The following DPH6 variants were observed in gnomAD, a reference collection of about 807,000 sequenced individuals.
The protein encoded by DPH6 is diphthine--ammonia ligase.
A neutral mutation model predicts 38.2 loss-of-function variants in DPH6; 33 were observed. The ratio of observed to expected loss-of-function variants is 0.86; its 90% confidence interval spans 0.65 to 1.15. The LOEUF (loss-of-function observed/expected upper bound fraction) is 1.15. Among genes scored for constraint, DPH6 ranks in the 50% most tolerant of loss-of-function variants. The probability of loss-of-function intolerance (pLI) is 0.00; values close to 1 mark genes in which losing one functional copy is unlikely to be tolerated. For missense variants in DPH6, 325 were observed against 320.0 expected (o/e 1.02, Z -0.12); for synonymous variants, 108 against 103.0 (o/e 1.05, Z -0.30).
chr15:35,387,612 T>G (rs575829704), intron 6 of DPH6, among the ~76,000 whole-genome samples: 3 of 152,304 alleles, frequency 2.0e-5, no homozygotes, highest in African/African-American at 7.2e-5. Context: ...CAATTGTGAA[T>G]GGCAGTTCAC....
chr15:35,339,660 A>C (rs1272729821), intron 3 of DPH6, among the ~76,000 whole-genome samples: 1 of 152,168 alleles, frequency 6.6e-6, no homozygotes, highest in Non-Finnish European at 1.5e-5. Context: ...ATTCAGGAGC[A>C]GGTTGTACAA....
intron 3 of DPH6, among the ~76,000 whole-genome samples, chr15:35,228,899 C>G (rs2051499668): frequency 6.6e-6 from 1 of 152,080 alleles, no homozygotes; most frequent in Non-Finnish European, 1.5e-5. Context: ...GTAAGGTTTC[C>G]CTGAAAGTCT....
intron 5 of DPH6, among the ~76,000 whole-genome samples, chr15:35,433,429 T>C (rs532749444): frequency 3.2e-4 from 49 of 152,300 alleles, no homozygotes; most frequent in Non-Finnish European, 5.9e-4. Flanking sequence ...AAAATTCCCT[T>C]GAAGACATCT....
At chr15:35,375,543 C>A (rs149847526) in intron 7 of DPH6, among the ~76,000 whole-genome samples, 1 of 152,106 alleles carries the variant, frequency 6.6e-6, no homozygotes, top group African/African-American at 2.4e-5. Context: ...GTCAGAATAT[C>A]CTCAGATTAA....
downstream of DPH6, among the ~76,000 whole-genome samples, chr15:35,216,856 C>T (rs1003547653): frequency 1.3e-5 from 2 of 152,080 alleles, no homozygotes; most frequent in Non-Finnish European, 2.9e-5. Flanking sequence ...ACATAGAGGG[C>T]CCTTATATCT....
rs1002492763 is a variant in DPH6, at chr15:35,511,689, C to A, written c.312+26585G>T. Among the ~76,000 whole-genome samples the A allele has an allele frequency of 2.6e-5, 4 of 151,444 alleles. No homozygotes were observed. The South Asian group carries it at 8.4e-4, about 32-fold the overall frequency. ...TTTTCATATCACTGACAAGAAACTA[C>A]CAAGAGATTATCATTTAAAAAAAAA... On this transcript the variant is annotated intron_variant, in intron 3 of 8. Transcript: ENST00000256538.
chr15:35,158,544 T>G, the DPH6 span, among the ~76,000 whole-genome samples: 1 of 152,062 alleles, frequency 6.6e-6, no homozygotes, highest in African/African-American at 2.4e-5. Context: ...CTTATGCTGT[T>G]ATATATTATA....
At chr15:35,274,012 G>C (rs981865789) in intron 3 of DPH6, among the ~76,000 whole-genome samples, 28 of 152,102 alleles carry the variant, frequency 1.8e-4, no homozygotes, top group African/African-American at 6.8e-4. Flanking sequence ...ATACTATAAG[G>C]CTTCAGTAAC....
chr15:35,459,967 C>A, intron 3 of DPH6, among the ~76,000 whole-genome samples: 1 of 152,268 alleles, frequency 6.6e-6, no homozygotes, highest in East Asian at 1.9e-4. Context: ...AGGTGATTAA[C>A]CCATTCAAGT....
At chr15:35,491,852 CT>C (rs1403143062) in intron 3 of DPH6, among the ~76,000 whole-genome samples, 1 of 150,324 alleles carries the variant, frequency 6.7e-6, no homozygotes, top group African/African-American at 2.4e-5. Flanking sequence ...TACTATAAAT[CT>C]ATATGTATAT....
intron 3 of DPH6, among the ~76,000 whole-genome samples, chr15:35,319,775 T>C (rs1595476908): frequency 6.6e-6 from 1 of 151,278 alleles, no homozygotes; most frequent in Non-Finnish European, 1.5e-5. Context: ...TATTTATTTA[T>C]AATAATATAT....
At chr15:35,252,919 T>C (rs2140410840) in intron 3 of DPH6, among the ~76,000 whole-genome samples, 1 of 152,348 alleles carries the variant, frequency 6.6e-6, no homozygotes, top group Admixed American at 6.5e-5. Flanking sequence ...AAATATACAT[T>C]AGAGTTGTAT....
the DPH6 span, among the ~76,000 whole-genome samples, chr15:35,146,081 G>A: frequency 1.0e-5 from 1 of 98,156 alleles, no homozygotes; most frequent in Non-Finnish European, 2.5e-5. Context: ...GTGTGTGTGT[G>A]TGTGTGTGTG....
the DPH6 span, among the ~76,000 whole-genome samples, chr15:35,182,515 ATACT>A: frequency 6.6e-6 from 1 of 152,070 alleles, no homozygotes; most frequent in Non-Finnish European, 1.5e-5. Context: ...TACACTTTTC[ATACT>A]TACCCACCGA....
chr15:35,188,951 G>A, the DPH6 span, among the ~76,000 whole-genome samples: 1 of 152,070 alleles, frequency 6.6e-6, no homozygotes, highest in Admixed American at 6.6e-5. Flanking sequence ...AGCATTAAAA[G>A]CCTGATGAAA....
chr15:35,195,583 G>C, the DPH6 span, among the ~76,000 whole-genome samples: 1 of 152,222 alleles, frequency 6.6e-6, no homozygotes, highest in East Asian at 1.9e-4. Flanking sequence ...TATAGATCCA[G>C]CTTCTTAGGA....
At chr15:35,223,440 A>C (rs1456357517) in intron 3 of DPH6, among the ~76,000 whole-genome samples, 3 of 152,174 alleles carry the variant, frequency 2.0e-5, no homozygotes, top group Non-Finnish European at 4.4e-5. Flanking sequence ...TAATCCCTGC[A>C]CTTTGGGAGG....
chr15:35,477,789 T>C (rs1301506343), intron 3 of DPH6, among the ~76,000 whole-genome samples: 1 of 151,876 alleles, frequency 6.6e-6, no homozygotes, highest in Admixed American at 6.6e-5. Context: ...ATCGTAGGGT[T>C]CAGCAAAAAG....
At chr15:35,493,549 C>G (rs77827956) in intron 3 of DPH6, among the ~76,000 whole-genome samples, 2,783 of 152,168 alleles carry the variant, frequency 0.018, 87 homozygotes, top group African/African-American at 0.062. Flanking sequence ...TTCAGAGATA[C>G]CAGAATGGTC....
Sources: allele counts gnomAD v4.1 joint callset (sites outside exome capture counted in the v4.1 genomes callset), GRCh38; gene constraint gnomAD v4.1.1; transcripts MANE v1.5; gene names NCBI Gene and HGNC (gene_info 2026-07-23, HGNC 2026-07-21).